Variants in ARHGEF37 observed in about 807,000 individuals in gnomAD.
ARHGEF37 encodes Rho guanine nucleotide exchange factor 37.
Under a neutral mutation model 71.1 loss-of-function variants are expected in ARHGEF37, and 55 were observed. That is an observed-to-expected ratio of 0.77 (90% CI 0.62 to 0.97). ARHGEF37 has a LOEUF of 0.97. Ranked by LOEUF, ARHGEF37 falls within the 50% of genes least tolerant of loss-of-function variation. ARHGEF37 has a pLI of 0.00. For synonymous variants in ARHGEF37, 327 were observed against 350.6 expected, an observed-to-expected ratio of 0.93 and a Z score of 0.75; for missense variants, 765 against 836.8, an observed-to-expected ratio of 0.91 and a Z score of 1.06.
chr5:149,629,876 A>G (rs1752826219), intron 12 of ARHGEF37, among the ~76,000 whole-genome samples: 1 of 152,238 alleles, frequency 6.6e-6, no homozygotes, highest in African/African-American at 2.4e-5. Flanking sequence ...CGAATGAAAC[A>G]CCGGTACATG....
intron 1 of ARHGEF37, among the ~76,000 whole-genome samples, chr5:149,553,165 G>A (rs1762707967): frequency 6.6e-6 from 1 of 152,108 alleles, no homozygotes; most frequent in African/African-American, 2.4e-5. Context: ...TTGGGAGGCC[G>A]AGGCGGCTGG....
intron 5 of ARHGEF37, among the ~76,000 whole-genome samples, chr5:149,617,722 T>C (rs182882183): frequency 1.3e-5 from 2 of 152,256 alleles, no homozygotes; most frequent in East Asian, 3.9e-4. Flanking sequence ...TTGGATTTCC[T>C]CCCCACCTGC....
At position 149,626,936 on chromosome 5, in the gene ARHGEF37, C is replaced by T; in HGVS notation, c.1465-140C>T. The T allele has an allele frequency of 6.3e-6, 5 of 798,834 alleles. No homozygotes were observed. In the South Asian group the frequency reaches 8.4e-5, roughly 13 times the overall value. 49.5% of individuals were successfully genotyped at this position (798,834 alleles called of 1,614,324 possible). A position where few individuals can be genotyped will look rare whatever the true frequency, so the allele number is the denominator to read the frequency against. ...CATCTGCTAGTGAGGGCCCTGTTGC[C>T]CTGATCAGGGTGGGCCCTTCAGTGG... On this transcript the variant is annotated intron_variant, in intron 10 of 12. Transcript: ENST00000333677.
intron 11 of ARHGEF37, among the ~76,000 whole-genome samples, chr5:149,627,695 C>T (rs1228216555): frequency 5.3e-5 from 8 of 152,162 alleles, no homozygotes; most frequent in South Asian, 2.1e-4. Flanking sequence ...ATGAGGGGAG[C>T]GATCATCCTG....
chr5:149,624,327 C>T (rs1427221445), intron 10 of ARHGEF37, among the ~76,000 whole-genome samples, 187 bp downstream of exon 10: 1 of 152,184 alleles, frequency 6.6e-6, no homozygotes, highest in East Asian at 1.9e-4. Context: ...GATACATACA[C>T]ACTCTTTACA....
intron 2 of ARHGEF37, 62 bp downstream of exon 2, chr5:149,598,017 G>A (rs879636576): frequency 7.4e-6 from 11 of 1,492,604 alleles, no homozygotes; most frequent in Non-Finnish European, 8.9e-6. Flanking sequence ...CCCAGCTTCT[G>A]AGATTTCTCA....
intron 1 of ARHGEF37, among the ~76,000 whole-genome samples, chr5:149,590,060 T>C (rs1322286622): frequency 6.6e-6 from 1 of 152,224 alleles, no homozygotes; most frequent in African/African-American, 2.4e-5. Context: ...ATCCTAATTG[T>C]AGACCCACTT....
intron 1 of ARHGEF37, among the ~76,000 whole-genome samples, chr5:149,567,173 C>A (rs1762908309): frequency 6.6e-6 from 1 of 152,132 alleles, no homozygotes; most frequent in Admixed American, 6.6e-5. Flanking sequence ...TTGAAAACTA[C>A]AAACCAGTTT....
chr5:149,589,031 A>C (rs1580895761), intron 1 of ARHGEF37, among the ~76,000 whole-genome samples: 1 of 151,958 alleles, frequency 6.6e-6, no homozygotes, highest in South Asian at 2.1e-4. Flanking sequence ...GGAGTTAGAG[A>C]CCAGCCTCGG....
In ARHGEF37 at chr5:149,618,316, C is replaced by CA. The variant is rs751054313; in HGVS notation, c.789+10_789+11insA. 1 of 1,613,886 alleles carries CA rather than the reference C, an allele frequency of 6.2e-7. No individual in the cohort carries two copies. The highest frequency in any genetic ancestry group is 1.1e-5 in the South Asian group (1 of 91,050). Reference sequence around the variant, plus strand: ...GGGGCTGATCCCCAGGGTGAGCGTGCGCCTGGGAGGAAGAGTCACATCCAG... The same window carrying CA: ...GGGGCTGATCCCCAGGGTGAGCGTGCAGCCTGGGAGGAAGAGTCACATCCAG... On this transcript the variant is annotated intron_variant, in intron 6 of 12. Coordinates refer to ENST00000333677, the MANE Select transcript of ARHGEF37 (RefSeq NM_001001669.3).
intron 6 of ARHGEF37, 74 bp downstream of exon 6, chr5:149,618,380 G>A (rs1003038988): frequency 8.1e-6 from 13 of 1,595,734 alleles, no homozygotes; most frequent in Non-Finnish European, 1.1e-5. Context: ...GGGTAGACAG[G>A]GGACTTAGGC....
At chr5:149,562,887 G>A (rs995600880) in intron 1 of ARHGEF37, among the ~76,000 whole-genome samples, 2 of 152,176 alleles carry the variant, frequency 1.3e-5, no homozygotes, top group Non-Finnish European at 2.9e-5. Context: ...AAGTAGCAGA[G>A]ATTACCTAAG....
intron 10 of ARHGEF37, 139 bp downstream of exon 10, chr5:149,624,279 C>T: frequency 8.2e-7 from 1 of 1,223,128 alleles, no homozygotes; most frequent in Non-Finnish European, 1.1e-6. Context: ...TCTCTTCTCT[C>T]TCCTTTCTAT....
intron 1 of ARHGEF37, among the ~76,000 whole-genome samples, chr5:149,568,178 G>A (rs1225740357): frequency 4.0e-5 from 6 of 151,832 alleles, no homozygotes; most frequent in East Asian, 3.9e-4. Context: ...GCACCACCAC[G>A]CCTGGCTAAT....
At position 149,619,021 on chromosome 5, in the gene ARHGEF37, T is replaced by C; in HGVS notation, c.873T>C (p.Ala291=). The C allele has an allele frequency of 6.2e-7, 1 of 1,614,084 alleles. No individual in the cohort carries two copies. ...TGACTGAGCTGAAGAACAACGTGGC[T>C]GCTTACCTGGACAATCTGCAGGTGA... ...LCVTELKNNV[A]AYLDNLQAFL... is the part of the protein sequence containing the mutation. The change falls in exon 7 of 13, where the codon GCT becomes GCC. Residue 291 remains alanine, a synonymous_variant. Coordinates refer to ENST00000333677, the MANE Select transcript of ARHGEF37 (RefSeq NM_001001669.3).
chr5:149,613,594 C>G (rs1752271127), intron 4 of ARHGEF37, among the ~76,000 whole-genome samples: 1 of 152,108 alleles, frequency 6.6e-6, no homozygotes, highest in Non-Finnish European at 1.5e-5. Context: ...ATCTGCCAGT[C>G]TTGACCTCCC....
At chr5:149,618,347 C>T in intron 6 of ARHGEF37, 41 bp downstream of exon 6, 1 of 1,612,912 alleles carries the variant, frequency 6.2e-7, no homozygotes, top group South Asian at 1.1e-5. Flanking sequence ...TCCAGCCACC[C>T]CCAAGGCCAG....
chr5:149,624,203 C>G, intron 10 of ARHGEF37, 63 bp downstream of exon 10: 1 of 1,537,578 alleles, frequency 6.5e-7, no homozygotes, highest in Non-Finnish European at 8.9e-7. Flanking sequence ...GGGTGAGGCT[C>G]CATCCATCCC....
chr5:149,564,684 C>A (rs1439170521), intron 1 of ARHGEF37, among the ~76,000 whole-genome samples: 1 of 152,094 alleles, frequency 6.6e-6, no homozygotes, highest in East Asian at 1.9e-4. Flanking sequence ...GTTAGCTGGG[C>A]GTGGTGGTGC....
Sources: allele counts gnomAD v4.1 joint callset (sites outside exome capture counted in the v4.1 genomes callset), GRCh38; gene constraint gnomAD v4.1.1; transcripts MANE v1.5; gene names NCBI Gene and HGNC (gene_info 2026-07-23, HGNC 2026-07-21).